Variants in NEK10 observed in about 807,000 individuals in gnomAD.
NEK10 encodes the protein serine/threonine-protein kinase Nek10.
NEK10 carries 122 observed loss-of-function variants against 159.8 expected under a neutral mutation model. The ratio of observed to expected loss-of-function variants is 0.76; its 90% CI spans 0.66 to 0.89. The LOEUF is 0.89. Ranked by LOEUF, NEK10 falls within the 40% of genes least tolerant of loss-of-function variation. NEK10 has a pLI of 0.00. For missense variants in NEK10, 1,342 were observed against 1,323.1 expected (o/e 1.01, Z -0.22); for synonymous variants, 466 against 457.1 (o/e 1.02, Z -0.25).
chr3:27,139,354 T>C (rs921111787), intron 31 of NEK10, among the ~76,000 whole-genome samples: 7 of 152,056 alleles, frequency 4.6e-5, no homozygotes, highest in African/African-American at 1.7e-4. Context: ...AGGACAAATG[T>C]CTTTAAAAGG....
At chr3:27,301,641 G>T (rs1204922559) in intron 13 of NEK10, 55 bp downstream of exon 13, 9 of 1,343,518 alleles carry the variant, frequency 6.7e-6, no homozygotes, top group Non-Finnish European at 9.4e-6. Context: ...CTATGATAGT[G>T]AATAATAATA....
At chr3:27,306,181 A>C (rs933932895) in intron 11 of NEK10, among the ~76,000 whole-genome samples, 4 of 152,068 alleles carry the variant, frequency 2.6e-5, no homozygotes, top group African/African-American at 9.7e-5. Context: ...ACTGTCAATC[A>C]AGAGCTCTTA....
At chr3:27,331,137 C>T (rs55782834) in intron 5 of NEK10, among the ~76,000 whole-genome samples, 55,228 of 150,352 alleles carry the variant, frequency 0.37, 12,433 homozygotes, top group East Asian at 0.74. Context: ...CTCGGGAGGC[C>T]GAGGCAGGGA....
intron 22 of NEK10, among the ~76,000 whole-genome samples, chr3:27,258,331 T>C (rs1359880570): frequency 6.6e-6 from 1 of 151,818 alleles, no homozygotes; most frequent in Non-Finnish European, 1.5e-5. Context: ...TAACTCGTCA[T>C]TTAACATTAG....
chr3:27,154,816 C>G (rs997487719), intron 30 of NEK10, among the ~76,000 whole-genome samples: 1 of 152,170 alleles, frequency 6.6e-6, no homozygotes, highest in African/African-American at 2.4e-5. Flanking sequence ...TAAAAGCCAT[C>G]TATGATAAAC....
At chr3:27,152,324 T>C (rs1038599178) in intron 30 of NEK10, among the ~76,000 whole-genome samples, 2 of 152,194 alleles carry the variant, frequency 1.3e-5, no homozygotes, top group African/African-American at 4.8e-5. Flanking sequence ...CTAGAAGGGA[T>C]TGGAGCCCTA....
chr3:27,146,007 C>T (rs1287940950), intron 30 of NEK10, among the ~76,000 whole-genome samples: 4 of 152,096 alleles, frequency 2.6e-5, no homozygotes, highest in Non-Finnish European at 5.9e-5. Flanking sequence ...TATCTCCTTC[C>T]CATAATGAAA....
chr3:27,284,515 G>A, intron 22 of NEK10, 87 bp downstream of exon 22: 2 of 755,306 alleles, frequency 2.6e-6, no homozygotes, highest in Non-Finnish European at 2.3e-6. Flanking sequence ...ACATTCCCAT[G>A]AGTGCCAAAA....
At chr3:27,313,446 T>G (rs1299760284) in intron 7 of NEK10, among the ~76,000 whole-genome samples, 2 of 152,126 alleles carry the variant, frequency 1.3e-5, no homozygotes, top group African/African-American at 4.8e-5. Flanking sequence ...AGTATTTTAG[T>G]GAGCACAGTA....
chr3:27,244,277 C>T (rs1254713052), intron 23 of NEK10, among the ~76,000 whole-genome samples: 1 of 152,192 alleles, frequency 6.6e-6, no homozygotes, highest in Non-Finnish European at 1.5e-5. Flanking sequence ...AAATAAAACA[C>T]CTATTTTACA....
At chr3:27,189,945 T>C (rs1948967726) in intron 26 of NEK10, among the ~76,000 whole-genome samples, 2 of 152,160 alleles carry the variant, frequency 1.3e-5, no homozygotes, top group African/African-American at 2.4e-5. Context: ...TGCTAATATA[T>C]ATGCATTAAC....
intron 23 of NEK10, among the ~76,000 whole-genome samples, chr3:27,250,312 A>G (rs11129273): frequency 0.26 from 38,992 of 151,512 alleles, 5,167 homozygotes; most frequent in Middle Eastern, 0.38. Flanking sequence ...TCAGCCTCCC[A>G]AGTAGCTGGG....
intron 23 of NEK10, among the ~76,000 whole-genome samples, chr3:27,209,100 A>C (rs1950780981): frequency 7.0e-6 from 1 of 142,592 alleles, no homozygotes; most frequent in Admixed American, 7.3e-5. Flanking sequence ...TGACAGCTTT[A>C]TCCACTAAAA....
At chr3:27,161,623 T>A (rs1288581406) in intron 30 of NEK10, among the ~76,000 whole-genome samples, 1 of 152,238 alleles carries the variant, frequency 6.6e-6, no homozygotes, top group Non-Finnish European at 1.5e-5. Flanking sequence ...GTTTAGCTAA[T>A]AATTTAAATG....
intron 33 of NEK10, among the ~76,000 whole-genome samples, chr3:27,117,561 C>A (rs924550013): frequency 4.6e-5 from 7 of 152,152 alleles, no homozygotes; most frequent in African/African-American, 1.7e-4. Context: ...TTTTGATTTG[C>A]GTTTCTCTAA....
At position 27,197,159 on chromosome 3, in the gene NEK10, C is replaced by CT. The variant is rs964405760; in HGVS notation, c.2291+4350dup. On this transcript the variant is annotated intron_variant, in intron 25 of 35. Transcript: ENST00000691995. The stretch of plus-strand genomic sequence containing the variant: ...ACGCAGAAATAATGGTCAAATCACT[C>CT]TTTTTTTTTATTTTTATTTAAAAAA... Among the ~76,000 whole-genome samples, 42 of 151,234 alleles carry CT rather than the reference C, an allele frequency of 2.8e-4. No homozygotes were observed. In the East Asian group the frequency reaches 6.2e-3, roughly 22 times the overall value.
At chr3:27,150,454 C>A (rs941911975) in intron 30 of NEK10, among the ~76,000 whole-genome samples, 1 of 152,158 alleles carries the variant, frequency 6.6e-6, no homozygotes, top group Non-Finnish European at 1.5e-5. Flanking sequence ...TCCAAAAATA[C>A]TAGAGCCCTT....
chr3:27,285,635 G>A (rs1169570996), intron 20 of NEK10, among the ~76,000 whole-genome samples: 1 of 151,932 alleles, frequency 6.6e-6, no homozygotes, highest in African/African-American at 2.4e-5. Context: ...TGCTTTGGAT[G>A]CCAAAAAACA....
At chr3:27,322,304 C>T (rs759468169) in intron 5 of NEK10, 43 bp from the exon 6 acceptor site, 105 of 1,200,516 alleles carry the variant, frequency 8.7e-5, no homozygotes, top group Non-Finnish European at 1.3e-4. Context: ...TTTAAAATCC[C>T]AGTGTGGCAA....
Sources: gnomAD v4.1 joint callset for allele counts (sites outside exome capture counted in the v4.1 genomes callset) on GRCh38, gnomAD v4.1.1 for gene constraint, MANE v1.5 for transcripts, NCBI Gene and HGNC (gene_info 2026-07-23, HGNC 2026-07-21) for gene names.